Variants in AK4 observed in about 807,000 individuals in gnomAD.
AK4 encodes adenylate kinase 4.
In AK4, 13 loss-of-function variants were observed where a neutral mutation model predicts 24.6. The ratio of observed to expected loss-of-function variants is 0.53; its 90% CI spans 0.34 to 0.84. AK4 has a LOEUF of 0.84. Among genes scored for constraint, AK4 ranks in the 40% least tolerant of loss-of-function variants. The pLI is 0.01. For synonymous variants in AK4, 88 were observed against 107.0 expected (o/e 0.82, Z 1.10); for missense variants, 192 against 288.2 (o/e 0.67, Z 2.42).
intron 1 of AK4, among the ~76,000 whole-genome samples, chr1:65,176,643 C>G (rs7535588): frequency 0.43 from 64,665 of 151,896 alleles, 15,013 homozygotes; most frequent in East Asian, 0.67. Context: ...TTCACACAAG[C>G]CTCCAAATGC....
At chr1:65,151,394 T>C (rs1366856865) in intron 1 of AK4, among the ~76,000 whole-genome samples, 3 of 152,186 alleles carry the variant, frequency 2.0e-5, no homozygotes, top group African/African-American at 7.2e-5. Context: ...TTCTAGGTGC[T>C]GGGGGCAATA....
chr1:65,189,214 C>T (rs538458478), intron 1 of AK4, among the ~76,000 whole-genome samples: 2 of 152,068 alleles, frequency 1.3e-5, no homozygotes, highest in Non-Finnish European at 2.9e-5. Context: ...GGATTACAGG[C>T]GTGAGCCACC....
chr1:65,190,819 G>T lies in AK4; in HGVS notation c.255G>T (p.Trp85Cys). 1.2e-6 allele frequency: 2 copies of T among 1,613,668 alleles called. No individual in the cohort carries two copies. Among genetic ancestry groups the T allele is most frequent in the African/African-American group, 1.3e-5 (1 of 75,034 alleles). The change falls in exon 2 of 5, where the codon TGG becomes TGT. Residue 85 changes from tryptophan to cysteine, a missense_variant. Physicochemically the swap from Trp to Cys is radical, Grantham distance 215 (BLOSUM62 -2). Coordinates refer to ENST00000327299, the MANE Select transcript of AK4 (RefSeq NM_013410.4). ...TGGAGAACAGGCGTGGCCAGCACTG[G>T]CTCCTTGATGGTGAGTTGAAACTGT... ...SELENRRGQH[W>C]LLDGFPRTLG... is the part of the protein sequence containing the mutation.
At chr1:65,222,470 T>C (rs1465295882) in intron 3 of AK4, among the ~76,000 whole-genome samples, 1 of 152,158 alleles carries the variant, frequency 6.6e-6, no homozygotes, top group African/African-American at 2.4e-5. Flanking sequence ...TCTTCTTAAC[T>C]CCTGTGTCAG....
At position 65,226,770 on chromosome 1, in the gene AK4, C is replaced by G. The variant is rs1428949972; in HGVS notation, c.*593C>G. On this transcript the variant is annotated 3_prime_UTR_variant, in exon 5 of 5. Coordinates refer to ENST00000327299, the MANE Select transcript of AK4 (RefSeq NM_013410.4). Reference sequence around the variant, plus strand: ...TCTACATCCACGCTCCATAGAGTCTCTCCTTTTCAGACATCCTGGGATGAA... The same window carrying G: ...TCTACATCCACGCTCCATAGAGTCTGTCCTTTTCAGACATCCTGGGATGAA... The G allele has an allele frequency of 6.6e-6, 1 of 151,478 alleles. No individual in the cohort carries two copies. The highest frequency in any genetic ancestry group is 2.4e-5 in the African/African-American group (1 of 41,104). 9.4% of individuals were successfully genotyped at this position (151,478 alleles called of 1,614,324 possible).
At chr1:65,199,260 T>C (rs1408730927) in intron 2 of AK4, among the ~76,000 whole-genome samples, 10 of 151,916 alleles carry the variant, frequency 6.6e-5, no homozygotes, top group Non-Finnish European at 8.8e-5. Context: ...ATAAAAAAAT[T>C]ATTTTTGGGC....
Position 65,190,832 on chromosome 1 carries a change from G to T in AK4, c.265+3G>T. 1 of 1,613,280 alleles carries T rather than the reference G, an allele frequency of 6.2e-7. No homozygotes were observed. The highest frequency in any genetic ancestry group is 8.5e-7 in the Non-Finnish European group (1 of 1,179,770). On this transcript the variant is annotated splice_donor_region_variant and intron_variant, in intron 2 of 4. Coordinates refer to ENST00000327299, the MANE Select transcript of AK4 (RefSeq NM_013410.4). ...TGGCCAGCACTGGCTCCTTGATGGT[G>T]AGTTGAAACTGTGGGTAAACCGAAT...
At chr1:65,179,932 G>C (rs1650843267) in intron 1 of AK4, among the ~76,000 whole-genome samples, 1 of 152,208 alleles carries the variant, frequency 6.6e-6, no homozygotes, top group South Asian at 2.1e-4. Context: ...TTGCAAAGCA[G>C]CATCATTCCA....
chr1:65,218,271 T>G (rs1284740479), intron 2 of AK4, among the ~76,000 whole-genome samples: 2 of 152,048 alleles, frequency 1.3e-5, no homozygotes, highest in Non-Finnish European at 2.9e-5. Context: ...ATAAAATGCT[T>G]TCCCTTCACT....
At chr1:65,152,644 C>T (rs1211296993) in intron 1 of AK4, among the ~76,000 whole-genome samples, 1 of 151,644 alleles carries the variant, frequency 6.6e-6, no homozygotes, top group Non-Finnish European at 1.5e-5. Flanking sequence ...CATGATCTGC[C>T]TGCCTCGGCC....
intron 1 of AK4, among the ~76,000 whole-genome samples, chr1:65,168,928 T>C (rs1650420502): frequency 6.6e-6 from 1 of 151,998 alleles, no homozygotes; most frequent in Non-Finnish European, 1.5e-5. Flanking sequence ...TAATCCCAGC[T>C]CTTTGGCAGG....
upstream of AK4, chr1:65,147,644 C>T (rs1458379262): frequency 1.6e-4 from 25 of 152,020 alleles, no homozygotes; most frequent in Admixed American, 1.6e-3. Context: ...GGAAGCCTCT[C>T]GGAGTGCTGC....
intron 1 of AK4, among the ~76,000 whole-genome samples, chr1:65,166,526 T>C (rs1650335286): frequency 6.6e-6 from 1 of 151,040 alleles, no homozygotes; most frequent in South Asian, 2.1e-4. Flanking sequence ...ATAATTGCTT[T>C]TTAAATTTTT....
chr1:65,200,024 A>G (rs537662651), intron 2 of AK4, among the ~76,000 whole-genome samples: 3 of 115,032 alleles, frequency 2.6e-5, no homozygotes, highest in Non-Finnish European at 5.0e-5. Context: ...TAGTGCACTA[A>G]GAGAGACCAC....
intron 1 of AK4, among the ~76,000 whole-genome samples, chr1:65,183,094 G>T (rs750792054): frequency 6.6e-6 from 1 of 152,160 alleles, no homozygotes; most frequent in Non-Finnish European, 1.5e-5. Context: ...TTAGCTGAAT[G>T]AGTATTTTGT....
chr1:65,165,958 G>C (rs1210605487), intron 1 of AK4: 1 of 152,412 alleles, frequency 6.6e-6, no homozygotes, highest in East Asian at 1.9e-4. Context: ...AGGATAATGA[G>C]CTTAACATAC....
At chr1:65,210,593 A>G (rs1651944077) in intron 2 of AK4, among the ~76,000 whole-genome samples, 1 of 152,096 alleles carries the variant, frequency 6.6e-6, no homozygotes, top group Non-Finnish European at 1.5e-5. Context: ...ACTTTCTCCT[A>G]TGTGAAAATC....
chr1:65,159,990 A>AG (rs1650106579), intron 1 of AK4, among the ~76,000 whole-genome samples: 3 of 151,158 alleles, frequency 2.0e-5, no homozygotes, highest in African/African-American at 7.3e-5. Context: ...AAAAAAAAAA[A>AG]GTTGAGTGAC....
chr1:65,222,765 G>A (rs1251969834), intron 3 of AK4, among the ~76,000 whole-genome samples: 3 of 152,168 alleles, frequency 2.0e-5, no homozygotes, highest in Non-Finnish European at 4.4e-5. Context: ...GAGCTGTAAT[G>A]GAATTTTAGT....
Sources: allele counts gnomAD v4.1 joint callset (sites outside exome capture counted in the v4.1 genomes callset), GRCh38; gene constraint gnomAD v4.1.1; transcripts MANE v1.5; gene names NCBI Gene and HGNC (gene_info 2026-07-23, HGNC 2026-07-21).